The following ZNF248 variants were observed in gnomAD, a reference collection of about 807,000 sequenced individuals.
The protein encoded by ZNF248 is KRAB protein domain.
ZNF248 carries 20 observed loss-of-function variants against 44.3 expected under a neutral mutation model. The ratio of observed to expected loss-of-function variants is 0.45; its 90% CI spans 0.32 to 0.66. The LOEUF (loss-of-function observed/expected upper bound fraction) is 0.66, where lower values mean the gene tolerates loss of function less well. Ranked by LOEUF, ZNF248 falls within the 30% of genes least tolerant of loss-of-function variation. The pLI is 0.04. For synonymous variants in ZNF248, 224 were observed against 229.0 expected (o/e 0.98, Z 0.20); for missense variants, 654 against 677.0 (o/e 0.97, Z 0.38).
chr10:37,856,041 A>C (rs1240762780), intron 3 of ZNF248, among the ~76,000 whole-genome samples: 1 of 152,216 alleles, frequency 6.6e-6, no homozygotes, highest in Non-Finnish European at 1.5e-5. Flanking sequence ...ACTTATAGAC[A>C]ATTTACTGCA....
chr10:37,766,889 G>T, the ZNF248 span, among the ~76,000 whole-genome samples: 1 of 152,062 alleles, frequency 6.6e-6, no homozygotes, highest in Non-Finnish European at 1.5e-5. Context: ...AAAATTAGAC[G>T]AATGGATAAC....
intron 6 of ZNF248, chr10:37,819,056 T>A (rs1355475331): frequency 1.3e-6 from 1 of 799,246 alleles, no homozygotes; most frequent in African/African-American, 1.7e-5. Flanking sequence ...GTAGCTATCA[T>A]CATCCATGAT....
At chr10:37,772,779 G>T (rs1030564243), downstream of ZNF248, among the ~76,000 whole-genome samples, 6 of 152,170 alleles carry the variant, frequency 3.9e-5, no homozygotes, top group Admixed American at 3.9e-4. Context: ...TTCATTTACT[G>T]ATCCTTGAAG....
At chr10:37,820,393 A>T in intron 6 of ZNF248, 1 of 1,494,542 alleles carries the variant, frequency 6.7e-7, no homozygotes, top group Non-Finnish European at 9.3e-7. Flanking sequence ...AGCATTGCTG[A>T]CATGAGGCTG....
chr10:37,820,892 T>A (rs1040084163), intron 6 of ZNF248: 1 of 1,381,424 alleles, frequency 7.2e-7, no homozygotes, highest in African/African-American at 1.4e-5. Flanking sequence ...TTTTTCCTCT[T>A]CTAGTTTTCC....
intron 5 of ZNF248, among the ~76,000 whole-genome samples, chr10:37,836,839 T>G (rs1763095013): frequency 6.6e-6 from 1 of 151,068 alleles, no homozygotes; most frequent in Non-Finnish European, 1.5e-5. Flanking sequence ...ATACACACAC[T>G]AAGATACCAG....
At chr10:37,776,397 A>G (rs562125395), downstream of ZNF248, 2 of 386,448 alleles carry the variant, frequency 5.2e-6, no homozygotes, top group Admixed American at 8.9e-5. Context: ...AGGAAGAATT[A>G]CTTCAGGCTG....
At chr10:37,826,155 T>C (rs1216664890), downstream of ZNF248, among the ~76,000 whole-genome samples, 2 of 152,142 alleles carry the variant, frequency 1.3e-5, no homozygotes, top group Non-Finnish European at 2.9e-5. Context: ...GAGTTCACCA[T>C]ATATATTGTA....
chr10:37,804,767 A>G (rs2050323324), intron 6 of ZNF248, among the ~76,000 whole-genome samples: 1 of 152,228 alleles, frequency 6.6e-6, no homozygotes, highest in Non-Finnish European at 1.5e-5. Context: ...GAATCTTAAT[A>G]TCAAGGATGG....
At chr10:37,778,294 G>A (rs1045896751) in intron 6 of ZNF248, among the ~76,000 whole-genome samples, 16 of 152,058 alleles carry the variant, frequency 1.1e-4, no homozygotes, top group African/African-American at 3.4e-4. Flanking sequence ...CAGTGATGAT[G>A]AGCATTTTTT....
At chr10:37,822,105 G>A (rs2053569235) in intron 6 of ZNF248, among the ~76,000 whole-genome samples, 1 of 152,188 alleles carries the variant, frequency 6.6e-6, no homozygotes, top group African/African-American at 2.4e-5. Flanking sequence ...TGTCCCATGA[G>A]CCACTGTAGA....
At chr10:37,780,774 C>T (rs573111342) in intron 6 of ZNF248, among the ~76,000 whole-genome samples, 104 of 152,264 alleles carry the variant, frequency 6.8e-4, no homozygotes, top group African/African-American at 2.5e-3. Context: ...CGCCCCCGCT[C>T]CCACTGCCCC....
intron 6 of ZNF248, chr10:37,819,982 A>C (rs2053193987): frequency 1.3e-6 from 1 of 772,320 alleles, no homozygotes. Context: ...GCGGTCTTGC[A>C]TGCTCTTATC....
chr10:37,812,100 G>A (rs962672470), intron 6 of ZNF248, among the ~76,000 whole-genome samples: 4 of 152,032 alleles, frequency 2.6e-5, no homozygotes, highest in Non-Finnish European at 4.4e-5. Flanking sequence ...AGCCGGTCAT[G>A]GTGGCACATG....
chr10:37,784,154 A>T (rs1218793542), intron 6 of ZNF248: 1 of 152,268 alleles, frequency 6.6e-6, no homozygotes, highest in Non-Finnish European at 1.5e-5. Context: ...GCAACAGTAC[A>T]CTGGCAAAAA....
intron 5 of ZNF248, among the ~76,000 whole-genome samples, chr10:37,836,931 A>C (rs1166429059): frequency 6.6e-6 from 1 of 152,036 alleles, no homozygotes; most frequent in Non-Finnish European, 1.5e-5. Context: ...ATATAGAAGG[A>C]TTGCATGAAT....
At chr10:37,769,142 C>T in the ZNF248 span, among the ~76,000 whole-genome samples, 4 of 152,064 alleles carry the variant, frequency 2.6e-5, no homozygotes, top group African/African-American at 4.8e-5. Flanking sequence ...AGCTTACCAA[C>T]CAAAAAAAGT....
At chr10:37,765,916 G>T in the ZNF248 span, among the ~76,000 whole-genome samples, 1 of 152,214 alleles carries the variant, frequency 6.6e-6, no homozygotes, top group African/African-American at 2.4e-5. Context: ...CCCTAATACT[G>T]CACTTTTCCA....
the ZNF248 span, among the ~76,000 whole-genome samples, chr10:37,761,836 G>A: frequency 1.3e-5 from 2 of 152,124 alleles, no homozygotes; most frequent in Non-Finnish European, 1.5e-5. Flanking sequence ...CCAGTATAAT[G>A]AGACCAAAAA....
Sources: allele counts gnomAD v4.1 joint callset (sites outside exome capture counted in the v4.1 genomes callset), GRCh38; gene constraint gnomAD v4.1.1; transcripts MANE v1.5; gene names NCBI Gene and HGNC (gene_info 2026-07-23, HGNC 2026-07-21).